Variants in PDE4D observed in about 807,000 individuals in gnomAD.
PDE4D encodes 3',5'-cyclic-AMP phosphodiesterase 4D.
A neutral mutation model predicts 87.4 loss-of-function variants in PDE4D; 24 were observed. The observed-to-expected ratio is 0.27, with a 90% confidence interval of 0.20 to 0.39. The LOEUF is 0.39. PDE4D is among the 10% of genes least tolerant of loss of function. PDE4D has a pLI of 1.00. For missense variants in PDE4D, 714 were observed against 1,041.0 expected (o/e 0.69, Z 4.32); for synonymous variants, 384 against 383.2 (o/e 1.00, Z -0.02).
intron 1 of PDE4D, among the ~76,000 whole-genome samples, chr5:59,820,117 GAAC>G (rs1415375674): frequency 6.6e-6 from 1 of 152,164 alleles, no homozygotes; most frequent in Non-Finnish European, 1.5e-5. Flanking sequence ...GGGGCTTTAT[GAAC>G]AATCAACCAA....
intron 1 of PDE4D, among the ~76,000 whole-genome samples, chr5:59,867,891 C>T (rs1226006152): frequency 2.0e-5 from 3 of 152,212 alleles, no homozygotes; most frequent in South Asian, 4.1e-4. Context: ...TTAGGAAATA[C>T]AAGAGTAGCA....
At chr5:59,241,153 G>A (rs1177291416) in intron 1 of PDE4D, among the ~76,000 whole-genome samples, 1 of 152,078 alleles carries the variant, frequency 6.6e-6, no homozygotes, top group Non-Finnish European at 1.5e-5. Flanking sequence ...ATGAAAAGAG[G>A]ACAAAGTTCA....
chr5:59,675,950 C>T (rs1272748494), intron 1 of PDE4D, among the ~76,000 whole-genome samples: 2 of 152,070 alleles, frequency 1.3e-5, no homozygotes, highest in African/African-American at 4.8e-5. Flanking sequence ...CCTCAGCCGC[C>T]CAAAGTGCTG....
intron 1 of PDE4D, among the ~76,000 whole-genome samples, chr5:59,386,531 G>C (rs1486639368): frequency 2.2e-5 from 3 of 136,362 alleles, no homozygotes; most frequent in African/African-American, 7.7e-5. Flanking sequence ...AATATGACTT[G>C]GGCCTGGGCA....
intron 1 of PDE4D, among the ~76,000 whole-genome samples, chr5:59,500,972 ATTT>A (rs905472437): frequency 1.3e-5 from 2 of 151,636 alleles, no homozygotes; most frequent in African/African-American, 4.8e-5. Context: ...AGACCAACTA[ATTT>A]TTTTCTTATT....
chr5:59,721,962 G>A (rs948614548), intron 1 of PDE4D, among the ~76,000 whole-genome samples: 2 of 152,130 alleles, frequency 1.3e-5, no homozygotes, highest in Non-Finnish European at 2.9e-5. Context: ...CTCGACATCT[G>A]TGACAAGCCC....
At chr5:59,968,790 T>A (rs1019869242) in intron 3 of PDE4D, among the ~76,000 whole-genome samples, 5 of 152,176 alleles carry the variant, frequency 3.3e-5, no homozygotes, top group African/African-American at 1.2e-4. Context: ...TGTTTTCTTA[T>A]AAGTAAAATA....
At chr5:59,678,212 G>T (rs1748433908) in intron 1 of PDE4D, among the ~76,000 whole-genome samples, 1 of 151,920 alleles carries the variant, frequency 6.6e-6, no homozygotes. Context: ...TTATTTTCAT[G>T]GTAATAGTTT....
chr5:60,304,155 CCTT>C (rs1754209078), intron 1 of PDE4D: 1 of 152,164 alleles, frequency 6.6e-6, no homozygotes, highest in Non-Finnish European at 1.5e-5. Flanking sequence ...AGCAAACACT[CCTT>C]CTTTTCTTTA....
intron 1 of PDE4D, among the ~76,000 whole-genome samples, chr5:60,385,785 T>G (rs1762153869): frequency 6.6e-6 from 1 of 152,182 alleles, no homozygotes; most frequent in Non-Finnish European, 1.5e-5. Context: ...CACCTCTGTC[T>G]CCCAATCCTA....
intron 1 of PDE4D, among the ~76,000 whole-genome samples, chr5:60,451,515 C>T (rs562340947): frequency 3.3e-5 from 5 of 151,666 alleles, no homozygotes; most frequent in East Asian, 1.9e-4. Flanking sequence ...TAGTCTTGGC[C>T]GCTCTCTCAA....
At chr5:60,056,682 C>G (rs1770812907) in intron 2 of PDE4D, among the ~76,000 whole-genome samples, 1 of 151,994 alleles carries the variant, frequency 6.6e-6, no homozygotes. Flanking sequence ...TCTTAAGCAA[C>G]CTGTCTAATT....
intron 1 of PDE4D, among the ~76,000 whole-genome samples, chr5:60,380,390 G>A (rs1365262388): frequency 6.6e-6 from 1 of 152,204 alleles, no homozygotes; most frequent in Admixed American, 6.5e-5. Context: ...ACCTCAGGCT[G>A]GGATGTGTCA....
chr5:59,855,074 G>A (rs996793704), intron 1 of PDE4D, among the ~76,000 whole-genome samples: 12 of 152,064 alleles, frequency 7.9e-5, no homozygotes, highest in Admixed American at 2.0e-4. Flanking sequence ...GCCAAAATGC[G>A]GGCTCTGATC....
At chr5:59,061,002 C>G (rs1332091773) in intron 5 of PDE4D, among the ~76,000 whole-genome samples, 1 of 152,120 alleles carries the variant, frequency 6.6e-6, no homozygotes, top group African/African-American at 2.4e-5. Flanking sequence ...CTGTCCCTCA[C>G]TCATTAGACA....
At chr5:59,876,729 A>G (rs975554058) in intron 1 of PDE4D, among the ~76,000 whole-genome samples, 1 of 152,184 alleles carries the variant, frequency 6.6e-6, no homozygotes, top group African/African-American at 2.4e-5. Context: ...ATGAGGAACA[A>G]TTGGGATAGT....
intron 2 of PDE4D, among the ~76,000 whole-genome samples, chr5:60,170,623 G>T (rs1238961649): frequency 2.0e-5 from 3 of 151,802 alleles, no homozygotes; most frequent in Non-Finnish European, 4.4e-5. Flanking sequence ...TCATAATGAG[G>T]CCTCTGTACA....
At chr5:60,440,892 A>G (rs1745152019) in intron 1 of PDE4D, among the ~76,000 whole-genome samples, 1 of 152,146 alleles carries the variant, frequency 6.6e-6, no homozygotes, top group Admixed American at 6.6e-5. Flanking sequence ...AAAACTAGGA[A>G]GTAGTGGGAC....
chr5:60,425,762 G>A (rs1323214234), intron 1 of PDE4D, among the ~76,000 whole-genome samples: 1 of 152,102 alleles, frequency 6.6e-6, no homozygotes, highest in Non-Finnish European at 1.5e-5. Flanking sequence ...CAGAATGGGA[G>A]AAAATTTTTG....
Sources: gnomAD v4.1 joint callset for allele counts (sites outside exome capture counted in the v4.1 genomes callset) on GRCh38, gnomAD v4.1.1 for gene constraint, MANE v1.5 for transcripts, NCBI Gene and HGNC (gene_info 2026-07-23, HGNC 2026-07-21) for gene names.